Variants in APPBP2 observed in about 807,000 individuals in gnomAD.
The protein encoded by APPBP2 is amyloid beta precursor protein binding protein 2.
A neutral mutation model predicts 76.0 loss-of-function variants in APPBP2; 15 were observed. The observed-to-expected ratio is 0.20, with a 90% confidence interval of 0.13 to 0.30. The LOEUF is 0.30. Ranked by LOEUF, APPBP2 falls within the 10% of genes least tolerant of loss-of-function variation. The pLI, the probability that APPBP2 is intolerant of heterozygous loss-of-function variation, is 1.00. For synonymous variants in APPBP2, 222 were observed against 242.2 expected, an observed-to-expected ratio of 0.92 and a Z score of 0.77; for missense variants, 401 against 687.2, an observed-to-expected ratio of 0.58 and a Z score of 4.66.
intron 1 of APPBP2, among the ~76,000 whole-genome samples, chr17:60,518,733 G>C (rs1185005151): frequency 6.6e-6 from 1 of 151,868 alleles, no homozygotes; most frequent in Admixed American, 6.6e-5. Context: ...AGAACTCTTA[G>C]GCTCAAGCCA....
chr17:60,489,610 C>CAAAAAAA (rs746715643), intron 3 of APPBP2, among the ~76,000 whole-genome samples: 1 of 53,596 alleles, frequency 1.9e-5, no homozygotes, highest in Non-Finnish European at 4.4e-5. Flanking sequence ...GACCATGTCT[C>CAAAAAAA]AAAAAAAAAA....
At chr17:60,510,743 A>T (rs1232710846) in intron 1 of APPBP2, among the ~76,000 whole-genome samples, 4 of 152,064 alleles carry the variant, frequency 2.6e-5, no homozygotes, top group African/African-American at 9.7e-5. Context: ...TCTGAAATGT[A>T]CTCTGAAAAA....
chr17:60,477,163 G>A (rs1052960697), intron 4 of APPBP2, among the ~76,000 whole-genome samples: 1 of 152,078 alleles, frequency 6.6e-6, no homozygotes, highest in Non-Finnish European at 1.5e-5. Flanking sequence ...ATAATGATGT[G>A]AGCTACTTGC....
At chr17:60,472,779 C>A (rs1175311724) in intron 4 of APPBP2, among the ~76,000 whole-genome samples, 1 of 152,154 alleles carries the variant, frequency 6.6e-6, no homozygotes, top group Non-Finnish European at 1.5e-5. Context: ...AATTAACCTA[C>A]CCTGGAGGCC....
chr17:60,484,828 AG>A (rs2090660088), intron 3 of APPBP2, among the ~76,000 whole-genome samples: 1 of 152,166 alleles, frequency 6.6e-6, no homozygotes, highest in Admixed American at 6.5e-5. Context: ...GAATGCTTCC[AG>A]TTTTTGCCCA....
intron 1 of APPBP2, among the ~76,000 whole-genome samples, chr17:60,518,782 G>A (rs903089413): frequency 6.6e-5 from 10 of 152,068 alleles, no homozygotes; most frequent in African/African-American, 1.9e-4. Context: ...CAGATTACAA[G>A]AGTAAGCCAC....
chr17:60,459,320 C>T (rs1206476723), intron 9 of APPBP2, among the ~76,000 whole-genome samples: 1 of 152,048 alleles, frequency 6.6e-6, no homozygotes. Flanking sequence ...TTTCTGTTTG[C>T]AGATCCTGAT....
intron 4 of APPBP2, among the ~76,000 whole-genome samples, chr17:60,474,819 T>G (rs2090577639): frequency 6.6e-6 from 1 of 152,198 alleles, no homozygotes; most frequent in African/African-American, 2.4e-5. Flanking sequence ...CATTTACATG[T>G]GAGACATATA....
In APPBP2 at chr17:60,460,798, C is replaced by T; in HGVS notation, c.937-11G>A. ...AATGTCAAGGGCTGCCTGAAAGAAT[C>T]ATAAAAATATTTGTCAATACTGTAG... is the stretch of plus-strand genomic sequence containing the variant. On this transcript the variant is annotated splice_polypyrimidine_tract_variant and intron_variant, in intron 8 of 12. Coordinates refer to ENST00000083182, the MANE Select transcript of APPBP2 (RefSeq NM_006380.5). 1 of 1,608,388 alleles carries T rather than the reference C, an allele frequency of 6.2e-7. No individual in the cohort carries two copies.
At chr17:60,514,161 G>A (rs1162780647) in intron 1 of APPBP2, among the ~76,000 whole-genome samples, 3 of 151,990 alleles carry the variant, frequency 2.0e-5, no homozygotes, top group Non-Finnish European at 2.9e-5. Context: ...ACAAAAATTA[G>A]CTGAGCATGC....
At chr17:60,477,800 CAAAAA>C (rs1177773203) in intron 4 of APPBP2, among the ~76,000 whole-genome samples, 1 of 66,840 alleles carries the variant, frequency 1.5e-5, no homozygotes, top group Admixed American at 1.7e-4. Context: ...TCCAACTGGC[CAAAAA>C]AAAAAAAAAA....
At chr17:60,451,816 TA>T (rs1271652379) in intron 12 of APPBP2, 63 bp downstream of exon 12, 10 of 1,424,790 alleles carry the variant, frequency 7.0e-6, no homozygotes, top group Middle Eastern at 2.2e-4. Flanking sequence ...TTATACAACA[TA>T]TAAGACATGC....
intron 3 of APPBP2, among the ~76,000 whole-genome samples, chr17:60,493,583 C>T (rs372534125): frequency 6.6e-6 from 1 of 150,478 alleles, no homozygotes; most frequent in African/African-American, 2.4e-5. Flanking sequence ...ATCCTGCCAC[C>T]TCAGCCTTCT....
Position 60,460,869 on chromosome 17 carries a change from T to C in APPBP2, c.937-82A>G. Reference sequence around the variant, plus strand: ...TAAACATCCTAGTAATTTAAATATATATCTATATGCCTAACACCATAAAAT... The same window carrying C: ...TAAACATCCTAGTAATTTAAATATACATCTATATGCCTAACACCATAAAAT... On this transcript the variant is annotated intron_variant, in intron 8 of 12. Coordinates refer to ENST00000083182, the MANE Select transcript of APPBP2 (RefSeq NM_006380.5). The C allele has an allele frequency of 2.8e-6, 4 of 1,420,190 alleles. No homozygotes were observed. The South Asian group carries it at 5.6e-5, about 20-fold the overall frequency. 88.0% of individuals were successfully genotyped at this position (1,420,190 alleles called of 1,614,324 possible).
chr17:60,491,219 CT>C (rs1457665269), intron 3 of APPBP2, among the ~76,000 whole-genome samples: 2 of 152,106 alleles, frequency 1.3e-5, no homozygotes, highest in Non-Finnish European at 2.9e-5. Flanking sequence ...AGATGAGGAA[CT>C]TGTTGGAAAC....
chr17:60,504,468 A>C (rs962922384), intron 1 of APPBP2, among the ~76,000 whole-genome samples: 1 of 152,208 alleles, frequency 6.6e-6, no homozygotes, highest in Non-Finnish European at 1.5e-5. Context: ...AAAAATGGGT[A>C]AACAAAGATG....
At chr17:60,492,755 G>A (rs1054637657) in intron 3 of APPBP2, among the ~76,000 whole-genome samples, 3 of 152,166 alleles carry the variant, frequency 2.0e-5, no homozygotes, top group African/African-American at 7.2e-5. Context: ...AGGCTCACAG[G>A]CAGAAGAGAC....
At chr17:60,491,052 G>A (rs1305074338) in intron 3 of APPBP2, among the ~76,000 whole-genome samples, 1 of 152,130 alleles carries the variant, frequency 6.6e-6, no homozygotes, top group African/African-American at 2.4e-5. Context: ...TTTGGAACTG[G>A]GTAACAGGCA....
intron 6 of APPBP2, among the ~76,000 whole-genome samples, chr17:60,463,411 T>A (rs1241467280): frequency 6.6e-6 from 1 of 152,122 alleles, no homozygotes; most frequent in Non-Finnish European, 1.5e-5. Flanking sequence ...GAGGCTCAGG[T>A]GGGAGGATCG....
Sources: allele counts gnomAD v4.1 joint callset (sites outside exome capture counted in the v4.1 genomes callset), GRCh38; gene constraint gnomAD v4.1.1; transcripts MANE v1.5; gene names NCBI Gene and HGNC (gene_info 2026-07-23, HGNC 2026-07-21).